Variants in PHF24 observed in about 807,000 individuals in gnomAD.
The protein encoded by PHF24 is Galpha inhibitory interacting protein.
Under a neutral mutation model 42.6 loss-of-function variants are expected in PHF24, and 25 were observed. The observed-to-expected ratio is 0.59, with a 90% confidence interval of 0.43 to 0.82. PHF24 has a LOEUF of 0.82. Ranked by LOEUF, PHF24 falls within the 40% of genes least tolerant of loss-of-function variation. PHF24 has a pLI of 0.00. For synonymous variants in PHF24, 185 were observed against 204.8 expected (o/e 0.90, Z 0.83); for missense variants, 470 against 538.1 (o/e 0.87, Z 1.25).
intron 5 of PHF24, 142 bp from the exon 6 acceptor site, chr9:34,976,941 C>A: frequency 9.9e-7 from 1 of 1,007,982 alleles, no homozygotes; most frequent in Non-Finnish European, 1.4e-6. Flanking sequence ...CCCTGGGCCG[C>A]ACTGGAAGTG....
At chr9:34,771,908 C>T in the PHF24 span, among the ~76,000 whole-genome samples, 3 of 152,268 alleles carry the variant, frequency 2.0e-5, no homozygotes, top group East Asian at 5.8e-4. Context: ...CTGTCCCCAT[C>T]CTCATTTTGA....
chr9:34,860,156 C>T, the PHF24 span, among the ~76,000 whole-genome samples: 1 of 152,222 alleles, frequency 6.6e-6, no homozygotes, highest in Non-Finnish European at 1.5e-5. Context: ...ACGCTGTAAG[C>T]TGACATTATT....
At chr9:34,840,235 G>A in the PHF24 span, among the ~76,000 whole-genome samples, 26 of 152,226 alleles carry the variant, frequency 1.7e-4, no homozygotes, top group African/African-American at 5.8e-4. Context: ...ATAACATACT[G>A]TCTCCTCATC....
the PHF24 span, among the ~76,000 whole-genome samples, chr9:34,828,671 T>C: frequency 6.6e-6 from 1 of 152,314 alleles, no homozygotes; most frequent in Non-Finnish European, 1.5e-5. Context: ...TCATCTTGCT[T>C]GACTAGTTGG....
chr9:34,917,467 A>G, the PHF24 span: 3 of 769,986 alleles, frequency 3.9e-6, no homozygotes, highest in Non-Finnish European at 7.3e-6. Context: ...ACAAGCTGGT[A>G]TTGTGTGAAG....
the PHF24 span, chr9:34,690,023 C>T: frequency 4.3e-6 from 7 of 1,613,668 alleles, no homozygotes; most frequent in African/African-American, 2.7e-5. Flanking sequence ...GTGTGGTGAA[C>T]CTGGGGTGAG....
At chr9:34,783,175 A>AG in the PHF24 span, among the ~76,000 whole-genome samples, 1 of 152,186 alleles carries the variant, frequency 6.6e-6, no homozygotes, top group African/African-American at 2.4e-5. Flanking sequence ...TAGAACTTAA[A>AG]TCCTGACAGT....
chr9:34,884,187 G>A, the PHF24 span, among the ~76,000 whole-genome samples: 1 of 152,250 alleles, frequency 6.6e-6, no homozygotes, highest in African/African-American at 2.4e-5. Flanking sequence ...GATACAGGGT[G>A]GGGAACATCA....
chr9:34,739,381 T>C, the PHF24 span, among the ~76,000 whole-genome samples: 2 of 152,354 alleles, frequency 1.3e-5, no homozygotes, highest in Admixed American at 1.3e-4. Context: ...ACATAGCCTT[T>C]GATCCAGCAG....
At chr9:34,711,313 C>G in the PHF24 span, among the ~76,000 whole-genome samples, 3 of 150,276 alleles carry the variant, frequency 2.0e-5, no homozygotes, top group East Asian at 4.0e-4. Flanking sequence ...GTGGCACAAT[C>G]TCAGCTCACA....
chr9:34,951,850 T>A, the PHF24 span, among the ~76,000 whole-genome samples: 1 of 152,264 alleles, frequency 6.6e-6, no homozygotes, highest in Admixed American at 6.5e-5. Flanking sequence ...TCTGGATTCT[T>A]GCTGGCTGTT....
the PHF24 span, among the ~76,000 whole-genome samples, chr9:34,742,575 C>G: frequency 2.0e-5 from 3 of 152,068 alleles, no homozygotes; most frequent in Non-Finnish European, 4.4e-5. Flanking sequence ...TGTACCTACT[C>G]TTTTTTAAAA....
At chr9:34,719,810 G>A in the PHF24 span, among the ~76,000 whole-genome samples, 1 of 152,210 alleles carries the variant, frequency 6.6e-6, no homozygotes, top group African/African-American at 2.4e-5. Context: ...CAGGCAGGGA[G>A]GATGTGCCTG....
At chr9:34,906,293 G>T in the PHF24 span, among the ~76,000 whole-genome samples, 23 of 152,160 alleles carry the variant, frequency 1.5e-4, no homozygotes, top group African/African-American at 5.3e-4. Flanking sequence ...GGAGGCAGAA[G>T]TTACAGGCAA....
chr9:34,721,731 A>G, the PHF24 span, among the ~76,000 whole-genome samples: 11 of 151,626 alleles, frequency 7.3e-5, no homozygotes, highest in Admixed American at 6.6e-4. Context: ...TCTGGAATCC[A>G]CTCCAGTCAC....
the PHF24 span, chr9:34,835,758 T>C: frequency 1.3e-6 from 2 of 1,551,220 alleles, no homozygotes; most frequent in Non-Finnish European, 1.7e-6. Context: ...CTGACTGGGT[T>C]AAAGATTTCT....
At chr9:34,720,462 C>CA in the PHF24 span, among the ~76,000 whole-genome samples, 1 of 131,122 alleles carries the variant, frequency 7.6e-6, no homozygotes, top group African/African-American at 2.9e-5. Context: ...AAAAAAAAAA[C>CA]AAAACAAAAC....
chr9:34,704,382 G>A, the PHF24 span, among the ~76,000 whole-genome samples: 2 of 152,132 alleles, frequency 1.3e-5, no homozygotes, highest in Non-Finnish European at 2.9e-5. Context: ...TATCAAAGAA[G>A]CCCTTAAAAT....
the PHF24 span, among the ~76,000 whole-genome samples, chr9:34,774,343 A>G: frequency 1.3e-5 from 2 of 152,356 alleles, no homozygotes; most frequent in Admixed American, 6.5e-5. Flanking sequence ...TGCAAATCAT[A>G]TATCTGATGA....
Sources: gnomAD v4.1 joint callset for allele counts (sites outside exome capture counted in the v4.1 genomes callset) on GRCh38, gnomAD v4.1.1 for gene constraint, MANE v1.5 for transcripts, NCBI Gene and HGNC (gene_info 2026-07-23, HGNC 2026-07-21) for gene names.